Variants in FLG2 observed in about 807,000 individuals in gnomAD.
FLG2 encodes the protein filaggrin-2.
FLG2 carries 7 observed loss-of-function variants against 3.9 expected under a neutral mutation model. The observed-to-expected ratio is 1.79, with a 90% CI of 1.02 to 3.36. FLG2 has a LOEUF of 3.36. Among genes scored for constraint, FLG2 ranks in the 30% most tolerant of loss-of-function variants. FLG2 has a pLI of 0.00. For missense variants in FLG2, 2,700 were observed against 2,809.4 expected (o/e 0.96, Z 0.88); for synonymous variants, 1,031 against 1,056.1 (o/e 0.98, Z 0.46).
rs764496353 is a variant in FLG2 at position 152,357,329 on chromosome 1, A to C, written c.457T>G (p.Cys153Gly). The change falls in exon 3 of 3, where the codon TGT becomes GGT. Residue 153 changes from cysteine (C) to glycine (G), a missense_variant. Coordinates refer to ENST00000388718, the MANE Select transcript of FLG2 (RefSeq NM_001014342.3). ...SSGHSRGTVK[C>G]RHGSNSRRLG... is the part of the protein sequence containing the mutation. ...CTCCTGGAGTTGGACCCATGTCTAC[A>C]TTTCACAGTTCCCCTTGAGTGCCCA... The C allele has an allele frequency of 1.2e-6, 2 of 1,614,064 alleles. No homozygotes were observed. Among genetic ancestry groups the C allele is most frequent in the Admixed American group, 3.3e-5 (2 of 60,014 alleles).
Position 152,353,825 on chromosome 1 carries a change from T to C in FLG2, c.3961A>G (p.Thr1321Ala), listed in dbSNP as rs547023643. Residue 1321 changes from threonine to alanine, a missense_variant, in exon 3 of 3, where the codon ACC becomes GCC. Physicochemically the swap from Thr to Ala is moderately conservative, Grantham distance 58. Transcript: ENST00000388718. ...TGACCAGAATGGCCATGTCTAGTGG[T>C]ATCTCCTCTCTGTCCATGAGTAGTT... is the stretch of plus-strand genomic sequence containing the variant. ...QGTTHGQRGD[T>A]TRHGHSGHGQ... The C allele has an allele frequency of 1.3e-4, 203 of 1,614,140 alleles. 3 individuals are homozygous for C. The South Asian group carries it at 2.1e-3, about 17-fold the overall frequency.
chr1:152,355,776 T>A lies in FLG2; in HGVS notation c.2010A>T (p.Gln670His), dbSNP rs780342024. The change falls in exon 3 of 3, where the codon CAA (glutamine) becomes CAT (histidine). Residue 670 changes from glutamine to histidine, a missense_variant. Coordinates refer to ENST00000388718, the MANE Select transcript of FLG2 (RefSeq NM_001014342.3). ...AGGATTGTCCTGAGCCAGAAACATG[T>A]TGTCCAAAGCCAGAGGACTGACCTG... is the stretch of plus-strand genomic sequence containing the variant. ...SGSGQSSGFGQHVSGSGQSSG... is the reference protein window; with the variant it reads ...SGSGQSSGFGHHVSGSGQSSG... The A allele has an allele frequency of 1.9e-6, 3 of 1,612,470 alleles. No homozygotes were observed. The African/African-American group carries it at 4.0e-5, about 22-fold the overall frequency.
In FLG2 at chr1:152,351,280, C is replaced by T. The variant is rs748312063; in HGVS notation, c.6506G>A (p.Gly2169Asp). ...QSGHGQSTQT[G>D]SRTTGRQRSS... ...TCTTTGTCTTCCAGTTGTCCTGGAACCTGTCTGTGTGGACTGTCCATGACC... is the reference window on the plus strand; with the variant it reads ...TCTTTGTCTTCCAGTTGTCCTGGAATCTGTCTGTGTGGACTGTCCATGACC... The change falls in exon 3 of 3, where the codon GGT becomes GAT. Residue 2169 changes from glycine to aspartate, a missense_variant. Transcript: ENST00000388718. The T allele has an allele frequency of 3.1e-6, 5 of 1,613,672 alleles. No individual in the cohort carries two copies. In the African/African-American group the frequency reaches 5.4e-5, roughly 17 times the overall value.
In FLG2 at chr1:152,352,540, T is replaced by C. The variant is rs1653991395; in HGVS notation, c.5246A>G (p.His1749Arg). The C allele has an allele frequency of 9.3e-6, 15 of 1,613,882 alleles. 1 individual carries two copies. Among genetic ancestry groups the C allele is most frequent in the Non-Finnish European group, 1.3e-5 (15 of 1,179,946 alleles). ...GVSHTHSGHT[H>R]GQARSQHGES... ...TCCATGTTGAGATCTGGCTTGGCCA[T>C]GAGTGTGTCCTGAATGTGTATGTGA... Residue 1749 changes from histidine (H) to arginine (R), a missense_variant, in exon 3 of 3, where the codon CAT becomes CGT. Coordinates refer to ENST00000388718, the MANE Select transcript of FLG2 (RefSeq NM_001014342.3).
At position 152,352,216 on chromosome 1, in the gene FLG2, T is replaced by A. The variant is rs766918140; in HGVS notation, c.5570A>T (p.His1857Leu). ...THGQTGDTSG[H>L]SQSGHGQSTQ... ...GGACTGTCCATGACCAGATTGAGAA[T>A]GTCCACTGGTATCTCCTGTCTGTCC... The change falls in exon 3 of 3, where the codon CAT (histidine) becomes CTT (leucine). Residue 1857 changes from histidine (H) to leucine (L), a missense_variant. Coordinates refer to ENST00000388718, the MANE Select transcript of FLG2 (RefSeq NM_001014342.3). 4 of 1,614,000 alleles carry A rather than the reference T, an allele frequency of 2.5e-6. No individual in the cohort carries two copies. The highest frequency in any genetic ancestry group is 3.4e-6 in the Non-Finnish European group (4 of 1,179,954).
Position 152,354,503 on chromosome 1 carries a change from T to A in FLG2, c.3283A>T (p.Asn1095Tyr), listed in dbSNP as rs1358747268. Residue 1095 changes from asparagine (N) to tyrosine (Y), a missense_variant, in exon 3 of 3, where the codon AAT becomes TAT. Asn to Tyr is a moderately radical substitution (Grantham distance 143). Transcript: ENST00000388718. ...CCAAATCCAGATGTCTGTCCTGAAT[T>A]TGACCCATGTTGACCATAGCCAGAT... ...QSSGYGQHGSNSGQTSGFGQH... is the reference protein window; with the variant it reads ...QSSGYGQHGSYSGQTSGFGQH... The A allele has an allele frequency of 5.6e-6, 9 of 1,613,052 alleles. No individual in the cohort carries two copies. Among genetic ancestry groups the A allele is most frequent in the Non-Finnish European group, 7.6e-6 (9 of 1,179,778 alleles).
chr1:152,355,177 C>T lies in FLG2; in HGVS notation c.2609G>A (p.Gly870Asp), dbSNP rs1383153983. The change falls in exon 3 of 3, where the codon GGC becomes GAC. Residue 870 changes from glycine (G) to aspartate (D), a missense_variant. Coordinates refer to ENST00000388718, the MANE Select transcript of FLG2 (RefSeq NM_001014342.3). Reference protein sequence around the residue: ...QHGSSSGQTSGFGQHRSSSGQ... With the variant: ...QHGSSSGQTSDFGQHRSSSGQ... ...TGAGCTTGACCTGTGTTGTCCAAAG[C>T]CAGATGTCTGTCCCGAACTTGACCC... The T allele has an allele frequency of 1.8e-5, 28 of 1,566,922 alleles. 5 individuals carry two copies. The highest frequency in any genetic ancestry group is 2.4e-5 in the Non-Finnish European group (28 of 1,157,280).
Position 152,350,750 on chromosome 1 carries a change from G to C in FLG2, c.7036C>G (p.His2346Asp). 1.2e-6 allele frequency: 2 copies of C among 1,614,212 alleles called. No homozygotes were observed. The highest frequency in any genetic ancestry group is 1.7e-6 in the Non-Finnish European group (2 of 1,180,044). ...QRHGSSQVWKHGSYGPAEYDY... is the reference protein window; with the variant it reads ...QRHGSSQVWKDGSYGPAEYDY... ...TATTCTGCAGGTCCATAGCTGCCAT[G>C]TTTCCAAACCTGACTTGATCCATGC... Residue 2346 changes from histidine (H) to aspartate (D), a missense_variant, in exon 3 of 3, where the codon CAT becomes GAT. Coordinates refer to ENST00000388718, the MANE Select transcript of FLG2 (RefSeq NM_001014342.3).
Position 152,353,194 on chromosome 1 carries a change from T to C in FLG2, c.4592A>G (p.Glu1531Gly). 1.9e-6 allele frequency: 3 copies of C among 1,613,766 alleles called. No individual in the cohort carries two copies. The highest frequency in any genetic ancestry group is 2.5e-6 in the Non-Finnish European group (3 of 1,179,934). ...TCTGTCATGAATTATGGATTCTGAC[T>C]CTCCATGTTGAGATCCACTTTGGCC... ...THGQSGSQHG[E>G]SESIIHDRHR... Residue 1531 changes from glutamate to glycine, a missense_variant, in exon 3 of 3, where the codon GAG (glutamate) becomes GGG (glycine). Physicochemically the swap from Glu to Gly is moderately conservative, Grantham distance 98. Coordinates refer to ENST00000388718, the MANE Select transcript of FLG2 (RefSeq NM_001014342.3).
At position 152,354,094 on chromosome 1, in the gene FLG2, G is replaced by A. The variant is rs745433573; in HGVS notation, c.3692C>T (p.Thr1231Ile). The A allele has an allele frequency of 1.2e-6, 2 of 1,614,254 alleles. No homozygotes were observed. The highest frequency in any genetic ancestry group is 4.5e-5 in the East Asian group (2 of 44,894). ...GESQQVESGS[T>I]VHGRQETTHG... The stretch of plus-strand genomic sequence containing the variant: ...AGTAGTTTCCTGTCTCCCATGAACT[G>A]TGGATCCTGACTCTACTTGTTGAGA... Residue 1231 changes from threonine (T) to isoleucine (I), a missense_variant, in exon 3 of 3, where the codon ACA becomes ATA. Physicochemically the swap from Thr to Ile is moderately conservative, Grantham distance 89 (BLOSUM62 -1). Transcript: ENST00000388718.
Position 152,354,585 on chromosome 1 carries a change from A to T in FLG2, c.3201T>A (p.Tyr1067Ter), listed in dbSNP as rs1654118357. ...AGCTAGACTGACGTGATCTAGACTC[A>T]TATTGTCCAAAACCAGAGGATTGTC... ...GSGQSSGFGQYESRSRQSSYG... is the reference protein window; with the variant it reads ...GSGQSSGFGQ The change falls in exon 3 of 3, where the codon TAT becomes TAA. Residue 1067 changes from tyrosine (Y) to a stop codon, truncating the protein, a stop_gained. Transcript: ENST00000388718. LOFTEE classifies it low-confidence loss of function (END_TRUNC). 6.2e-7 allele frequency: 1 copy of T among 1,613,882 alleles called. No individual in the cohort carries two copies. Among genetic ancestry groups the T allele is most frequent in the East Asian group, 2.2e-5 (1 of 44,858 alleles).
intron 2 of FLG2, among the ~76,000 whole-genome samples, chr1:152,357,990 T>A (rs1391309668): frequency 6.6e-6 from 1 of 152,094 alleles, no homozygotes; most frequent in Non-Finnish European, 1.5e-5. Context: ...CATGTTGGAA[T>A]TTATCATCTA....
Position 152,354,162 on chromosome 1 carries a change from A to G in FLG2, c.3624T>C (p.Tyr1208=). ...DSGQSTGFGQ[Y]GSGSGQSTGL... is the part of the protein sequence containing the mutation. ...CAGTTGATTGACCTGAGCCTGAACC[A>G]TATTGGCCAAATCCAGTGGACTGAC... is the stretch of plus-strand genomic sequence containing the variant. Residue 1208 remains tyrosine, a synonymous_variant, in exon 3 of 3, where the codon TAT becomes TAC. Transcript: ENST00000388718. 1.2e-6 allele frequency: 2 copies of G among 1,614,192 alleles called. No homozygotes were observed. The highest frequency in any genetic ancestry group is 1.3e-5 in the African/African-American group (1 of 75,042).
chr1:152,353,885 G>T lies in FLG2; in HGVS notation c.3901C>A (p.Pro1301Thr). 6.2e-7 allele frequency: 1 copy of T among 1,613,872 alleles called. No homozygotes were observed. The highest frequency in any genetic ancestry group is 8.5e-7 in the Non-Finnish European group (1 of 1,179,936). Reference protein sequence around the residue: ...HIHTQAGSHYPKSGSTVRRRQ... With the variant: ...HIHTQAGSHYTKSGSTVRRRQ... ...CTGCGAACTGTGGATCCTGACTTTG[G>T]GTAGTGAGATCCAGCTTGTGTGTGA... The change falls in exon 3 of 3, where the codon CCA (proline) becomes ACA (threonine). Residue 1301 changes from proline to threonine, a missense_variant. Coordinates refer to ENST00000388718, the MANE Select transcript of FLG2 (RefSeq NM_001014342.3).
rs756337463 is a variant in FLG2 at position 152,357,292 on chromosome 1, T to A, written c.494A>T (p.Gln165Leu). 132 of 1,614,086 alleles carry A rather than the reference T, an allele frequency of 8.2e-5. No homozygotes were observed. Among genetic ancestry groups the A allele is most frequent in the Non-Finnish European group, 1.1e-4 (127 of 1,180,048 alleles). Residue 165 changes from glutamine (Q) to leucine (L), a missense_variant, in exon 3 of 3, where the codon CAA becomes CTA. By Grantham distance (113) the Gln-to-Leu change is moderately radical. Coordinates refer to ENST00000388718, the MANE Select transcript of FLG2 (RefSeq NM_001014342.3). ...HGSNSRRLGR[Q>L]GNLSSSGNQE... The stretch of plus-strand genomic sequence containing the variant: ...GTTCCCAGAGCTGGATAAATTACCT[T>A]GTCTTCCTAGCCTCCTGGAGTTGGA...
intron 1 of FLG2, 44 bp from the exon 2 acceptor site, chr1:152,358,950 CT>C: frequency 6.7e-7 from 1 of 1,486,718 alleles, no homozygotes; most frequent in Non-Finnish European, 9.0e-7. Context: ...ATATTCTCTC[CT>C]TTTATCAGCA....
Position 152,354,127 on chromosome 1 carries a change from T to C in FLG2, c.3659A>G (p.Gln1220Arg). The C allele has an allele frequency of 1.2e-6, 2 of 1,614,262 alleles. No homozygotes were observed. The highest frequency in any genetic ancestry group is 1.1e-5 in the South Asian group (1 of 91,090). Residue 1220 changes from glutamine (Q) to arginine (R), a missense_variant, in exon 3 of 3, where the codon CAG becomes CGG. Coordinates refer to ENST00000388718, the MANE Select transcript of FLG2 (RefSeq NM_001014342.3). ...TGACTCTACTTGTTGAGATTCACCCTGGCCCAAGCCAGTTGATTGACCTGA... is the reference window on the plus strand; with the variant it reads ...TGACTCTACTTGTTGAGATTCACCCCGGCCCAAGCCAGTTGATTGACCTGA... ...SGSGQSTGLG[Q>R]GESQQVESGS...
Position 152,353,973 on chromosome 1 carries a change from G to A in FLG2, c.3813C>T (p.Ser1271=). The A allele has an allele frequency of 6.2e-7, 1 of 1,614,146 alleles. No individual in the cohort carries two copies. Among genetic ancestry groups the A allele is most frequent in the Non-Finnish European group, 8.5e-7 (1 of 1,180,022 alleles). Residue 1271 remains serine, a synonymous_variant, in exon 3 of 3, where the codon AGC becomes AGT. Coordinates refer to ENST00000388718, the MANE Select transcript of FLG2 (RefSeq NM_001014342.3). The part of the protein sequence containing the change: ...GSRVTRRRRS[S]QSENSDSEVH... ...CTTCACTGTCACTGTTCTCACTTTG[G>A]CTAGATCTTCGTCTTCTAGTTACCC...
chr1:152,353,189 C>T lies in FLG2; in HGVS notation c.4597G>A (p.Glu1533Lys). The T allele has an allele frequency of 6.2e-7, 1 of 1,613,870 alleles. No homozygotes were observed. Among genetic ancestry groups the T allele is most frequent in the East Asian group, 2.2e-5 (1 of 44,826 alleles). The part of the protein sequence containing the change: ...GQSGSQHGES[E>K]SIIHDRHRIT... ...CTGTGTCTGTCATGAATTATGGATT[C>T]TGACTCTCCATGTTGAGATCCACTT... The change falls in exon 3 of 3, where the codon GAA becomes AAA. Residue 1533 changes from glutamate to lysine, a missense_variant. By Grantham distance (56) the Glu-to-Lys change is moderately conservative. Coordinates refer to ENST00000388718, the MANE Select transcript of FLG2 (RefSeq NM_001014342.3).
Sources: gnomAD v4.1 joint callset for allele counts (sites outside exome capture counted in the v4.1 genomes callset) on GRCh38, gnomAD v4.1.1 for gene constraint, MANE v1.5 for transcripts, NCBI Gene and HGNC (gene_info 2026-07-23, HGNC 2026-07-21) for gene names.